CDK14: variants seen among roughly 807,000 people sequenced by gnomAD.
CDK14 encodes cyclin dependent kinase 14.
CDK14 carries 34 observed loss-of-function variants against 60.7 expected under a neutral mutation model. That is an observed-to-expected ratio of 0.56 (90% CI 0.43 to 0.75). CDK14 has a LOEUF of 0.75. CDK14 is among the 30% of genes least tolerant of loss of function. CDK14 has a pLI of 0.00. For synonymous variants in CDK14, 197 were observed against 203.7 expected (o/e 0.97, Z 0.28); for missense variants, 482 against 564.1 (o/e 0.85, Z 1.47).
intron 5 of CDK14, among the ~76,000 whole-genome samples, chr7:90,827,356 A>G (rs978928767): frequency 2.0e-5 from 3 of 152,232 alleles, no homozygotes; most frequent in Admixed American, 6.5e-5. Context: ...TTACCTGTGG[A>G]AGGACATCTT....
intron 6 of CDK14, among the ~76,000 whole-genome samples, chr7:90,894,823 T>C (rs1348210604): frequency 6.6e-6 from 1 of 152,262 alleles, no homozygotes; most frequent in Non-Finnish European, 1.5e-5. Context: ...TTGTTAACTT[T>C]AGAGGATCAC....
At chr7:90,837,828 A>AGGATG (rs1179378580) in intron 5 of CDK14, among the ~76,000 whole-genome samples, 3 of 152,206 alleles carry the variant, frequency 2.0e-5, no homozygotes, top group Non-Finnish European at 4.4e-5. Context: ...TGGGTTTTGT[A>AGGATG]GGATGAACCT....
At chr7:91,034,566 A>G (rs1006821016) in intron 10 of CDK14, among the ~76,000 whole-genome samples, 2 of 152,010 alleles carry the variant, frequency 1.3e-5, no homozygotes, top group East Asian at 1.9e-4. Flanking sequence ...TTTTGGAAAC[A>G]CCCTCTCCTT....
chr7:90,753,863 A>G (rs1403140271), intron 4 of CDK14, among the ~76,000 whole-genome samples: 2 of 152,204 alleles, frequency 1.3e-5, no homozygotes, highest in African/African-American at 4.8e-5. Flanking sequence ...TAAATCAAGA[A>G]TGCAATTTCA....
At chr7:91,196,535 A>T (rs1009166858) in intron 14 of CDK14, among the ~76,000 whole-genome samples, 6 of 152,234 alleles carry the variant, frequency 3.9e-5, no homozygotes, top group Non-Finnish European at 8.8e-5. Context: ...TATTTCTGGC[A>T]GTGATTCAGG....
intron 12 of CDK14, among the ~76,000 whole-genome samples, chr7:91,096,077 A>AAC (rs1798980443): frequency 6.6e-6 from 1 of 150,458 alleles, no homozygotes; most frequent in African/African-American, 2.4e-5. Context: ...AAAAAAAAAA[A>AAC]AAAAAAAAAA....
chr7:90,711,107 C>A (rs1316114190), intron 2 of CDK14, among the ~76,000 whole-genome samples: 1 of 151,900 alleles, frequency 6.6e-6, no homozygotes, highest in Non-Finnish European at 1.5e-5. Flanking sequence ...TGCATGTTGG[C>A]TATTATACAG....
intron 14 of CDK14, among the ~76,000 whole-genome samples, chr7:91,166,026 TG>T (rs1801336652): frequency 6.6e-6 from 1 of 152,228 alleles, no homozygotes; most frequent in South Asian, 2.1e-4. Context: ...TTGGTATTTG[TG>T]GGTGCCCTTC....
intron 7 of CDK14, among the ~76,000 whole-genome samples, chr7:90,901,431 T>TA (rs1353975001): frequency 1.3e-5 from 2 of 151,944 alleles, no homozygotes; most frequent in Non-Finnish European, 2.9e-5. Flanking sequence ...TTTTTGTTTC[T>TA]AAAAAAAATG....
rs535007376 is a variant in CDK14, at chr7:90,985,882, A to G, written c.1041+1641A>G. On this transcript the variant is annotated intron_variant, in intron 10 of 14. Coordinates refer to ENST00000380050, the MANE Select transcript of CDK14 (RefSeq NM_001287135.2). ...CTTCCTTTCAATTTTATTTTATTCAATATGTATAAATTCCCACACACAAAT... is the reference window on the plus strand; with the variant it reads ...CTTCCTTTCAATTTTATTTTATTCAGTATGTATAAATTCCCACACACAAAT... Among the ~76,000 whole-genome samples, 12 of 152,210 alleles carry G rather than the reference A, an allele frequency of 7.9e-5. No individual in the cohort carries two copies. In the East Asian group the frequency reaches 1.9e-3, roughly 24 times the overall value.
intron 3 of CDK14, among the ~76,000 whole-genome samples, chr7:90,729,381 T>A (rs1802774143): frequency 9.4e-6 from 1 of 106,290 alleles, no homozygotes. Flanking sequence ...TCCCCACTCA[T>A]CCTAGGCAAT....
intron 5 of CDK14, among the ~76,000 whole-genome samples, chr7:90,795,110 A>G (rs895410715): frequency 6.6e-6 from 1 of 152,226 alleles, no homozygotes; most frequent in East Asian, 1.9e-4. Flanking sequence ...ACTATTTTGC[A>G]TATAAACAAA....
At chr7:90,884,709 A>G (rs772563804) in intron 6 of CDK14, among the ~76,000 whole-genome samples, 3 of 152,168 alleles carry the variant, frequency 2.0e-5, no homozygotes, top group East Asian at 1.9e-4. Flanking sequence ...AGTGATCAAA[A>G]CAGCATGGTA....
intron 2 of CDK14, among the ~76,000 whole-genome samples, chr7:90,650,791 G>A (rs1800618600): frequency 6.6e-6 from 1 of 152,050 alleles, no homozygotes. Flanking sequence ...TATTTCTGAG[G>A]CCTCTGTTGT....
intron 2 of CDK14, among the ~76,000 whole-genome samples, chr7:90,667,133 A>G (rs538627295): frequency 6.6e-6 from 1 of 152,314 alleles, no homozygotes; most frequent in African/African-American, 2.4e-5. Flanking sequence ...GTTTTAAAGC[A>G]TAGCCAAGAA....
At chr7:91,112,441 C>G (rs901872871) in intron 12 of CDK14, 101 bp from the exon 13 acceptor site, 2 of 1,287,648 alleles carry the variant, frequency 1.6e-6, no homozygotes, top group Non-Finnish European at 2.1e-6. Context: ...GTTTTTCTAG[C>G]CAGGAATAAA....
chr7:91,056,349 G>A (rs532590332), intron 11 of CDK14, among the ~76,000 whole-genome samples: 6 of 150,898 alleles, frequency 4.0e-5, no homozygotes, highest in South Asian at 4.2e-4. Context: ...TGGAAGCACA[G>A]AGAACAGCAT....
intron 10 of CDK14, among the ~76,000 whole-genome samples, chr7:91,035,667 T>A (rs1162936870): frequency 6.7e-6 from 1 of 149,196 alleles, no homozygotes; most frequent in African/African-American, 2.5e-5. Flanking sequence ...GCAATCCAGA[T>A]GTGTTCTGAC....
chr7:91,060,627 T>G (rs1481165975), intron 11 of CDK14, among the ~76,000 whole-genome samples: 1 of 152,226 alleles, frequency 6.6e-6, no homozygotes, highest in Non-Finnish European at 1.5e-5. Flanking sequence ...TTTGCCTTTC[T>G]GTAAAGTATT....
Sources: allele counts gnomAD v4.1 joint callset (sites outside exome capture counted in the v4.1 genomes callset), GRCh38; gene constraint gnomAD v4.1.1; transcripts MANE v1.5; gene names NCBI Gene and HGNC (gene_info 2026-07-23, HGNC 2026-07-21).